The following TRRAP variants were observed in gnomAD, a reference collection of about 807,000 sequenced individuals.
TRRAP encodes the protein transformation/transcription domain-associated protein.
In TRRAP, 41 loss-of-function variants were observed where a neutral mutation model predicts 438.8. The ratio of observed to expected loss-of-function variants is 0.09; its 90% CI spans 0.07 to 0.12. TRRAP has a LOEUF of 0.12. Ranked by LOEUF, TRRAP falls within the 10% of genes least tolerant of loss-of-function variation. The pLI is 1.00. For synonymous variants in TRRAP, 1,994 were observed against 1,962.9 expected (o/e 1.02, Z -0.42); for missense variants, 3,122 against 5,055.1 (o/e 0.62, Z 11.60).
At chr7:98,930,269 C>T in intron 24 of TRRAP, 63 bp downstream of exon 24, 2 of 1,566,386 alleles carry the variant, frequency 1.3e-6, no homozygotes, top group Non-Finnish European at 1.7e-6. Flanking sequence ...AGTGGTCCTT[C>T]TAGAAACTGA....
rs1288360737 is a variant in TRRAP at position 98,935,767 on chromosome 7, T to TA, written c.4111+94dup. 13 of 973,096 alleles carry TA rather than the reference T, an allele frequency of 1.3e-5. No individual in the cohort carries two copies. In the African/African-American group the frequency reaches 1.8e-4, roughly 13 times the overall value. The allele number at this position is 973,096 out of a possible 1,614,324, so 60.3% of individuals were successfully genotyped here. A position where few individuals can be genotyped will look rare whatever the true frequency, so the allele number is the denominator to read the frequency against. On this transcript the variant is annotated intron_variant, in intron 28 of 72. Transcript: ENST00000456197. Reference sequence around the variant, plus strand: ...AAAAAAGTGGCCTTTTGTTGTTGTCTAATTTTTATGACTTTTTGTAGTCTT... The same window carrying TA: ...AAAAAAGTGGCCTTTTGTTGTTGTCTAAATTTTTATGACTTTTTGTAGTCTT...
intron 21 of TRRAP, 139 bp from the exon 22 acceptor site, chr7:98,924,973 C>T: frequency 8.2e-7 from 1 of 1,214,708 alleles, no homozygotes. Context: ...CCACTGCACT[C>T]CAGCCCAGGC....
In TRRAP at chr7:98,984,104, G is replaced by A; in HGVS notation, c.9034G>A (p.Ala3012Thr). 12 of 1,606,686 alleles carry A rather than the reference G, an allele frequency of 7.5e-6. No homozygotes were observed. Among genetic ancestry groups the A allele is most frequent in the Non-Finnish European group, 1.0e-5 (12 of 1,176,140 alleles). ...TCTTTGCCCTCTAGCGATTGTAACT[G>A]CCTATGAGAATAGCTCTCAGCATGA... is the stretch of plus-strand genomic sequence containing the variant. The part of the protein sequence containing the change: ...RQHHYQAIVT[A>T]YENSSQHDPS... Residue 3012 changes from alanine (A) to threonine (T), a missense_variant, in exon 61 of 73, where the codon GCC becomes ACC. Ala to Thr is a moderately conservative substitution (Grantham distance 58). Around this residue, in one of 24 missense-constraint regions of TRRAP, gnomAD observed 129 missense variants for 279.2 expected, o/e 0.46. Coordinates refer to ENST00000456197, the MANE Select transcript of TRRAP (RefSeq NM_001375524.1).
At position 98,961,254 on chromosome 7, in the gene TRRAP, A is replaced by C; in HGVS notation, c.6490-7A>C. 1 of 1,613,886 alleles carries C rather than the reference A, an allele frequency of 6.2e-7. No individual in the cohort carries two copies. The highest frequency in any genetic ancestry group is 8.5e-7 in the Non-Finnish European group (1 of 1,179,880). Reference sequence around the variant, plus strand: ...CCTCTGTGAGTGGCCTGTGTTGTCCATTGCAGGAGCAGCCAAACCAAGTGA... The same window carrying C: ...CCTCTGTGAGTGGCCTGTGTTGTCCCTTGCAGGAGCAGCCAAACCAAGTGA... On this transcript the variant is annotated splice_region_variant and splice_polypyrimidine_tract_variant and intron_variant, in intron 45 of 72. Coordinates refer to ENST00000456197, the MANE Select transcript of TRRAP (RefSeq NM_001375524.1).
intron 30 of TRRAP, among the ~76,000 whole-genome samples, chr7:98,938,573 A>C (rs1790660328): frequency 6.6e-6 from 1 of 152,210 alleles, no homozygotes; most frequent in Non-Finnish European, 1.5e-5. Context: ...ATATATACAC[A>C]GTCCTTGCTT....
chr7:98,983,961 G>A (rs894460578), intron 60 of TRRAP, 132 bp from the exon 61 acceptor site: 12 of 1,171,544 alleles, frequency 1.0e-5, no homozygotes, highest in African/African-American at 6.3e-5. Context: ...ACAAAGTAAC[G>A]AGGGTTTATC....
At position 98,929,626 on chromosome 7, in the gene TRRAP, G is replaced by A. The variant is rs370768494; in HGVS notation, c.3176-363G>A. 6.0e-5 allele frequency among the ~76,000 whole-genome samples: 9 copies of A among 150,252 alleles called. 1 individual carries two copies. The highest frequency in any genetic ancestry group is 2.1e-4 in the South Asian group (1 of 4,744). On this transcript the variant is annotated intron_variant, in intron 23 of 72. Coordinates refer to ENST00000456197, the MANE Select transcript of TRRAP (RefSeq NM_001375524.1). ...TTTTAATTTATTTTTTTTTTGAGAC[G>A]GAGTCTCACTCTGGCGGCCAGGCTG...
intron 3 of TRRAP, among the ~76,000 whole-genome samples, chr7:98,885,598 CTT>C (rs1330776963): frequency 3.3e-5 from 5 of 151,696 alleles, no homozygotes; most frequent in Non-Finnish European, 7.4e-5. Context: ...AGAAAAAAAA[CTT>C]GAGATATTTA....
intron 62 of TRRAP, among the ~76,000 whole-genome samples, chr7:98,988,338 T>A (rs901503726): frequency 3.9e-5 from 6 of 152,182 alleles, no homozygotes; most frequent in African/African-American, 1.2e-4. Flanking sequence ...GCAGGACTAT[T>A]TGCAATAATC....
intron 3 of TRRAP, among the ~76,000 whole-genome samples, chr7:98,884,789 T>C (rs1795617408): frequency 6.6e-6 from 1 of 152,080 alleles, no homozygotes; most frequent in Non-Finnish European, 1.5e-5. Context: ...AGTTGGAAAA[T>C]TGTACCTAGG....
Position 98,948,255 on chromosome 7 carries a change from T to G in TRRAP, c.4583T>G (p.Phe1528Cys), listed in dbSNP as rs1791176445. Residue 1528 changes from phenylalanine to cysteine, a missense_variant, in exon 34 of 73, where the codon TTT (phenylalanine) becomes TGT (cysteine). By Grantham distance (205) the Phe-to-Cys change is radical. Coordinates refer to ENST00000456197, the MANE Select transcript of TRRAP (RefSeq NM_001375524.1). This position sits in a 1 kb window ranked among gnomAD's most constrained non-coding sequence, Gnocchi z 4.9. Reference protein sequence around the residue: ...MKICSAIINLFHLIPAAPQTL... With the variant: ...MKICSAIINLCHLIPAAPQTL... ...ATTTGCTCAGCAATTATAAACCTTT[T>G]TCATCTGATCCCGGCTGCTCCTCAG... 6.2e-7 allele frequency: 1 copy of G among 1,614,242 alleles called. No homozygotes were observed. The highest frequency in any genetic ancestry group is 2.2e-5 in the East Asian group (1 of 44,876).
Position 99,012,606 on chromosome 7 carries a change from A to C in TRRAP, c.*251A>C. On this transcript the variant is annotated 3_prime_UTR_variant, in exon 73 of 73. Coordinates refer to ENST00000456197, the MANE Select transcript of TRRAP (RefSeq NM_001375524.1). The surrounding 1 kb of genome is among the most constrained non-coding windows in gnomAD (Gnocchi z 5.9). ...AAACTTATTCCAAGCTTTCAAAATA[A>C]TCTTTTAAGAAGCCAGGATTCTCCG... The C allele has an allele frequency of 1.9e-6, 1 of 517,802 alleles. No homozygotes were observed. The highest frequency in any genetic ancestry group is 3.4e-6 in the Non-Finnish European group (1 of 298,478). 32.1% of individuals were successfully genotyped at this position (517,802 alleles called of 1,614,324 possible). A position where few individuals can be genotyped will look rare whatever the true frequency, so the allele number is the denominator to read the frequency against.
At chr7:98,885,531 G>A (rs1795658253) in intron 3 of TRRAP, among the ~76,000 whole-genome samples, 1 of 152,038 alleles carries the variant, frequency 6.6e-6, no homozygotes, top group Admixed American at 6.6e-5. Flanking sequence ...GCAATGGATA[G>A]TATTTTAGCT....
rs140938711 is a variant in TRRAP, at chr7:98,971,412, G to A, written c.7693-387G>A. ...CATTGCACCAGCAACATGCTCCGCC[G>A]TGGCCCTGAAGGGATTCTCAGTCGG... On this transcript the variant is annotated intron_variant, in intron 52 of 72. Coordinates refer to ENST00000456197, the MANE Select transcript of TRRAP (RefSeq NM_001375524.1). 1.1e-4 allele frequency among the ~76,000 whole-genome samples: 16 copies of A among 152,342 alleles called. No homozygotes were observed. In the East Asian group the frequency reaches 3.1e-3, roughly 29 times the overall value.
At chr7:98,998,254 A>G (rs1793759108) in intron 67 of TRRAP, among the ~76,000 whole-genome samples, 1 of 152,172 alleles carries the variant, frequency 6.6e-6, no homozygotes, top group South Asian at 2.1e-4. Context: ...GAAAATAAAT[A>G]TTTAATTTTT....
In TRRAP at chr7:98,990,586, G is replaced by C; in HGVS notation, c.9723G>C (p.Ser3241=). Residue 3241 remains serine (S), a synonymous_variant, in exon 64 of 73, where the codon TCG becomes TCC. Coordinates refer to ENST00000456197, the MANE Select transcript of TRRAP (RefSeq NM_001375524.1). ...IPQLLTCLVG[S]EGKLLLNLIS... The stretch of plus-strand genomic sequence containing the variant: ...AGCTGCTCACCTGCCTGGTTGGCTC[G>C]GAGGGAAAGCTGCTCTTGAACCTCA... 1 of 1,614,066 alleles carries C rather than the reference G, an allele frequency of 6.2e-7. No individual in the cohort carries two copies. Among genetic ancestry groups the C allele is most frequent in the Non-Finnish European group, 8.5e-7 (1 of 1,179,892 alleles).
intron 1 of TRRAP, among the ~76,000 whole-genome samples, chr7:98,880,136 G>A (rs1451137377): frequency 6.6e-6 from 1 of 152,164 alleles, no homozygotes; most frequent in Non-Finnish European, 1.5e-5. Context: ...GTCTGGAGGG[G>A]TGCTGCTTGG....
Position 98,985,054 on chromosome 7 carries a change from T to C in TRRAP, c.9389+10T>C. ...TGGCTCAGATCAACAAGTATGTATGTTATATTGAAAGGATAAGAGAAAAAA... is the reference window on the plus strand; with the variant it reads ...TGGCTCAGATCAACAAGTATGTATGCTATATTGAAAGGATAAGAGAAAAAA... On this transcript the variant is annotated intron_variant, in intron 62 of 72. Coordinates refer to ENST00000456197, the MANE Select transcript of TRRAP (RefSeq NM_001375524.1). 1 of 1,571,492 alleles carries C rather than the reference T, an allele frequency of 6.4e-7. No homozygotes were observed. Among genetic ancestry groups the C allele is most frequent in the Non-Finnish European group, 8.7e-7 (1 of 1,149,220 alleles).
At chr7:98,938,110 G>A (rs1201730442) in intron 30 of TRRAP, among the ~76,000 whole-genome samples, 1 of 152,220 alleles carries the variant, frequency 6.6e-6, no homozygotes, top group African/African-American at 2.4e-5. Flanking sequence ...GGGAGACAGA[G>A]GTCGCAGTGA....
Sources: allele counts gnomAD v4.1 joint callset (sites outside exome capture counted in the v4.1 genomes callset), GRCh38; gene constraint gnomAD v4.1.1; regional missense constraint gnomAD v4.1.1; non-coding constraint Gnocchi (gnomAD v3.1); transcripts MANE v1.5; gene names NCBI Gene and HGNC (gene_info 2026-07-23, HGNC 2026-07-21).